DNAH10: variants seen among roughly 807,000 people sequenced by gnomAD.
The protein encoded by DNAH10 is axonemal beta dynein heavy chain 10.
In DNAH10, 348 loss-of-function variants were observed where a neutral mutation model predicts 506.6. That is an observed-to-expected ratio of 0.69 (90% CI 0.63 to 0.75). DNAH10 has a LOEUF of 0.75. DNAH10 is among the 30% of genes least tolerant of loss of function. The pLI, the probability that DNAH10 is intolerant of heterozygous loss-of-function variation, is 0.00. For missense variants in DNAH10, 5,179 were observed against 5,787.1 expected, an observed-to-expected ratio of 0.89 and a Z score of 3.41; for synonymous variants, 2,059 against 2,198.6, an observed-to-expected ratio of 0.94 and a Z score of 1.78.
Position 123,819,196 on chromosome 12 carries a change from G to A in DNAH10, c.3946G>A (p.Ala1316Thr). The stretch of plus-strand genomic sequence containing the variant: ...CTACAGAGTTCAGATAGAGGAGTTT[G>A]CAAAGCGTTTTTACAGTGAAGGCCC... ...MNYRVQIEEFAKRFYSEGPGS... is the reference protein window; with the variant it reads ...MNYRVQIEEFTKRFYSEGPGS... Residue 1316 changes from alanine to threonine, a missense_variant, in exon 23 of 79, where the codon GCA becomes ACA. By Grantham distance (58) the Ala-to-Thr change is moderately conservative. Coordinates refer to ENST00000673944, the MANE Select transcript of DNAH10 (RefSeq NM_001372106.1). 6.2e-7 allele frequency: 1 copy of A among 1,613,616 alleles called. No individual in the cohort carries two copies. Among genetic ancestry groups the A allele is most frequent in the Non-Finnish European group, 8.5e-7 (1 of 1,179,790 alleles).
intron 11 of DNAH10, among the ~76,000 whole-genome samples, chr12:123,792,072 A>G (rs1594036984): frequency 6.6e-6 from 1 of 152,170 alleles, no homozygotes; most frequent in Non-Finnish European, 1.5e-5. Context: ...GGACTGTCCC[A>G]TTCCTAATCC....
chr12:123,916,786 A>G lies in DNAH10; in HGVS notation c.11002+50A>G. ...GCTAATTCAGATGGTTATGAGGGAGACCGCAACCTCAGATCAAGGCATTCA... is the reference window on the plus strand; with the variant it reads ...GCTAATTCAGATGGTTATGAGGGAGGCCGCAACCTCAGATCAAGGCATTCA... On this transcript the variant is annotated intron_variant, in intron 63 of 78. Transcript: ENST00000673944. This position sits in a 1 kb window ranked among gnomAD's most constrained non-coding sequence, Gnocchi z 4.6. The G allele has an allele frequency of 6.5e-7, 1 of 1,544,014 alleles. No individual in the cohort carries two copies.
chr12:123,813,071 A>T, intron 19 of DNAH10, 93 bp from the exon 20 acceptor site: 1 of 831,844 alleles, frequency 1.2e-6, no homozygotes. Flanking sequence ...ATTTTCCATT[A>T]CTGGCAAGAC....
rs775986247 is a variant in DNAH10, at chr12:123,870,356, T to C, written c.7520-10T>C. On this transcript the variant is annotated splice_polypyrimidine_tract_variant and intron_variant, in intron 43 of 78. Coordinates refer to ENST00000673944, the MANE Select transcript of DNAH10 (RefSeq NM_001372106.1). ...ATGATTCAAGTGAAATCAACCATGA[T>C]TTCCTGCAGGTCAACTTCCAACCTT... 6.2e-7 allele frequency: 1 copy of C among 1,611,514 alleles called. No individual in the cohort carries two copies. Among genetic ancestry groups the C allele is most frequent in the Non-Finnish European group, 8.5e-7 (1 of 1,178,950 alleles).
rs767871906 is a variant in DNAH10 at position 123,933,514 on chromosome 12, AC to A, written c.13477+5del. 1 of 1,591,496 alleles carries A rather than the reference AC, an allele frequency of 6.3e-7. No individual in the cohort carries two copies. Among genetic ancestry groups the A allele is most frequent in the South Asian group, 1.1e-5 (1 of 88,596 alleles). On this transcript the variant is annotated splice_donor_region_variant and intron_variant, in intron 77 of 78. Coordinates refer to ENST00000673944, the MANE Select transcript of DNAH10 (RefSeq NM_001372106.1). Reference sequence around the variant, plus strand: ...AGTGAATGAGCGGGCGGGACAAGGTACCGTCAGCTCGTTAGGGATCCACAGC... The same window carrying A: ...AGTGAATGAGCGGGCGGGACAAGGTACGTCAGCTCGTTAGGGATCCACAGC...
chr12:123,824,167 T>C (rs1331111111), intron 24 of DNAH10, among the ~76,000 whole-genome samples: 1 of 151,950 alleles, frequency 6.6e-6, no homozygotes, highest in Non-Finnish European at 1.5e-5. Flanking sequence ...GGTTTGCAGG[T>C]AGAGTCAGTG....
intron 43 of DNAH10, among the ~76,000 whole-genome samples, chr12:123,868,973 C>T (rs1031222962): frequency 2.6e-5 from 4 of 152,232 alleles, no homozygotes; most frequent in Non-Finnish European, 5.9e-5. Context: ...TTCCCTCACT[C>T]GGAGACAATG....
rs149667120 is a variant in DNAH10 at position 123,918,494 on chromosome 12, C to T, written c.11233-182C>T. Among the ~76,000 whole-genome samples, 401 of 152,312 alleles carry T rather than the reference C, an allele frequency of 2.6e-3. 2 individuals are homozygous for T. The highest frequency in any genetic ancestry group is 9.2e-3 in the African/African-American group (383 of 41,572). On this transcript the variant is annotated intron_variant, in intron 64 of 78. Coordinates refer to ENST00000673944, the MANE Select transcript of DNAH10 (RefSeq NM_001372106.1). ...GGGGAAGGGGCCATGGGTGCAGGGG[C>T]GTCAGCCACAAATATTCACCCCTTC...
At chr12:123,852,889 T>C (rs779257791) in intron 35 of DNAH10, among the ~76,000 whole-genome samples, 10 of 152,190 alleles carry the variant, frequency 6.6e-5, no homozygotes, top group Non-Finnish European at 1.3e-4. Flanking sequence ...ACAGCCTTAA[T>C]AATAGGTTTA....
At chr12:123,783,044 A>G (rs1012518890) in intron 6 of DNAH10, 63 bp from the exon 7 acceptor site, 17 of 1,553,670 alleles carry the variant, frequency 1.1e-5, no homozygotes, top group Middle Eastern at 1.7e-4. Flanking sequence ...GTGAACTTGA[A>G]TGTTTCTCTT....
intron 18 of DNAH10, among the ~76,000 whole-genome samples, chr12:123,807,972 T>G (rs1471765549): frequency 2.1e-4 from 26 of 126,538 alleles, no homozygotes; most frequent in East Asian, 4.8e-4. Context: ...GAGAGGGAGG[T>G]GGAGTGAGAG....
At chr12:123,790,798 G>A (rs954855044) in intron 11 of DNAH10, among the ~76,000 whole-genome samples, 2 of 152,122 alleles carry the variant, frequency 1.3e-5, no homozygotes, top group South Asian at 2.1e-4. Context: ...GCAAGAGGGT[G>A]CCATTGAAGG....
Position 123,925,263 on chromosome 12 carries a change from C to T in DNAH10, c.11921+59C>T. ...CGTGGGGTGGAATCTCTAGCGTCCT[C>T]CCACCTTGGACTCAAAGAAAGCAGA... On this transcript the variant is annotated intron_variant, in intron 68 of 78. Coordinates refer to ENST00000673944, the MANE Select transcript of DNAH10 (RefSeq NM_001372106.1). This position sits in a 1 kb window ranked among gnomAD's most constrained non-coding sequence, Gnocchi z 4.0. 1.2e-6 allele frequency: 2 copies of T among 1,608,030 alleles called. No homozygotes were observed. The highest frequency in any genetic ancestry group is 2.2e-5 in the East Asian group (1 of 44,796).
rs1482234248 is a variant in DNAH10 at position 123,926,234 on chromosome 12, AT to A, written c.11922-400del. ...CAACAGAGTGAGATTATATATTTCA[AT>A]TTAAAAAAAAAAAAAAAAAAGAAAA... On this transcript the variant is annotated intron_variant, in intron 68 of 78. Coordinates refer to ENST00000673944, the MANE Select transcript of DNAH10 (RefSeq NM_001372106.1). The surrounding 1 kb of genome is among the most constrained non-coding windows in gnomAD (Gnocchi z 4.1). Among the ~76,000 whole-genome samples the A allele has an allele frequency of 2.1e-5, 3 of 145,786 alleles. No individual in the cohort carries two copies. Among genetic ancestry groups the A allele is most frequent in the Non-Finnish European group, 3.0e-5 (2 of 67,010 alleles).
At chr12:123,898,400 A>T (rs1447801841) in intron 55 of DNAH10, among the ~76,000 whole-genome samples, 2 of 152,172 alleles carry the variant, frequency 1.3e-5, no homozygotes, top group East Asian at 1.9e-4. Context: ...TATCTGCTGC[A>T]GCAGCATGCA....
chr12:123,910,657 G>A lies in DNAH10; in HGVS notation c.10119G>A (p.Lys3373=), dbSNP rs762365294. ...MGYCDVFREI[K]PKREKVARLE... ...ACTGTGATGTTTTCAGAGAAATCAA[G>A]CCCAAAAGAGAGAAGGTATTGCCCG... Residue 3373 remains lysine, a synonymous_variant, in exon 59 of 79, where the codon AAG becomes AAA. Coordinates refer to ENST00000673944, the MANE Select transcript of DNAH10 (RefSeq NM_001372106.1). The A allele has an allele frequency of 3.7e-6, 6 of 1,611,076 alleles. No individual in the cohort carries two copies. Among genetic ancestry groups the A allele is most frequent in the Non-Finnish European group, 4.2e-6 (5 of 1,179,746 alleles).
At position 123,893,400 on chromosome 12, in the gene DNAH10, G is replaced by A; in HGVS notation, c.9163G>A (p.Gly3055Arg). 1.2e-6 allele frequency: 2 copies of A among 1,613,308 alleles called. No individual in the cohort carries two copies. Among genetic ancestry groups the A allele is most frequent in the Non-Finnish European group, 1.7e-6 (2 of 1,179,888 alleles). ...LHIVLGMSPV[G>R]DTLRTWCRNF... ...CATTGTCCTGGGCATGTCGCCAGTG[G>A]GGGACACCCTGAGGACCTGGTGCAG... Residue 3055 changes from glycine (G) to arginine (R), a missense_variant, in exon 53 of 79, where the codon GGG becomes AGG. Physicochemically the swap from Gly to Arg is moderately radical, Grantham distance 125 (BLOSUM62 -2). Around this residue, in one of 3 missense-constraint regions of DNAH10, gnomAD observed 4,844 missense variants for 5,430.5 expected, o/e 0.89. Transcript: ENST00000673944.
chr12:123,904,006 C>T (rs1388897968), intron 57 of DNAH10, among the ~76,000 whole-genome samples: 1 of 152,170 alleles, frequency 6.6e-6, no homozygotes, highest in Non-Finnish European at 1.5e-5. Flanking sequence ...GTGCATGTTC[C>T]CTGTGCTTCC....
chr12:123,809,513 G>A (rs967357441), intron 19 of DNAH10, among the ~76,000 whole-genome samples: 1 of 152,060 alleles, frequency 6.6e-6, no homozygotes, highest in African/African-American at 2.4e-5. Flanking sequence ...AGCTAGGCGT[G>A]GTGGTGCACA....
Sources: gnomAD v4.1 joint callset for allele counts (sites outside exome capture counted in the v4.1 genomes callset) on GRCh38, gnomAD v4.1.1 for gene constraint, gnomAD v4.1.1 regional missense constraint, Gnocchi (gnomAD v3.1) non-coding constraint, MANE v1.5 for transcripts, NCBI Gene and HGNC (gene_info 2026-07-23, HGNC 2026-07-21) for gene names.